The following OCA2 variants were observed in gnomAD, a reference collection of about 807,000 sequenced individuals.
The protein encoded by OCA2 is OCA2 melanosomal transmembrane protein.
OCA2 carries 77 observed loss-of-function variants against 100.2 expected under a neutral mutation model. That is an observed-to-expected ratio of 0.77 (90% CI 0.64 to 0.93). The LOEUF is 0.93. Ranked by LOEUF, OCA2 falls within the 40% of genes least tolerant of loss-of-function variation. The probability of loss-of-function intolerance (pLI) is 0.00; values close to 1 mark genes in which losing one functional copy is unlikely to be tolerated. For synonymous variants in OCA2, 432 were observed against 439.2 expected, an observed-to-expected ratio of 0.98 and a Z score of 0.21; for missense variants, 1,062 against 1,089.1, an observed-to-expected ratio of 0.98 and a Z score of 0.35.
At chr15:28,032,009 T>C (rs2042918619) in intron 3 of OCA2, 56 bp downstream of exon 3, 6 of 1,318,310 alleles carry the variant, frequency 4.6e-6, no homozygotes, top group South Asian at 3.5e-5. Flanking sequence ...CCAGCATACA[T>C]GCCAGGTGCA....
intron 18 of OCA2, among the ~76,000 whole-genome samples, chr15:27,935,552 G>A (rs190162484): frequency 3.9e-5 from 6 of 152,320 alleles, no homozygotes; most frequent in Admixed American, 3.9e-4. Flanking sequence ...AGCCCAGGGG[G>A]AAACTGAGGC....
intron 18 of OCA2, among the ~76,000 whole-genome samples, chr15:27,940,031 C>T (rs988910908): frequency 1.3e-5 from 2 of 152,176 alleles, no homozygotes; most frequent in Non-Finnish European, 2.9e-5. Context: ...GAGAAACACA[C>T]CCAGCTCTTC....
chr15:27,839,611 C>T (rs2035274396), intron 23 of OCA2, among the ~76,000 whole-genome samples: 1 of 152,138 alleles, frequency 6.6e-6, no homozygotes, highest in Non-Finnish European at 1.5e-5. Flanking sequence ...ACAGTAGAGA[C>T]AGAACAGTGA....
At chr15:27,910,854 G>T (rs983283818) in intron 19 of OCA2, among the ~76,000 whole-genome samples, 5 of 151,962 alleles carry the variant, frequency 3.3e-5, no homozygotes, top group African/African-American at 9.7e-5. Context: ...TACTCAGGAG[G>T]CTGAGGCAGG....
intron 15 of OCA2, among the ~76,000 whole-genome samples, chr15:27,963,222 T>C (rs1468203454): frequency 6.6e-6 from 1 of 152,172 alleles, no homozygotes; most frequent in Non-Finnish European, 1.5e-5. Flanking sequence ...ATTAAACAAG[T>C]AGATAGAAAA....
At chr15:27,953,670 T>C (rs760187008) in intron 17 of OCA2, among the ~76,000 whole-genome samples, 15 of 152,038 alleles carry the variant, frequency 9.9e-5, no homozygotes, top group Non-Finnish European at 1.8e-4. Flanking sequence ...CTGCAGCTCA[T>C]GGAAGTGGAG....
At chr15:28,018,239 T>C (rs946437728) in intron 7 of OCA2, among the ~76,000 whole-genome samples, 158 bp downstream of exon 7, 2 of 152,090 alleles carry the variant, frequency 1.3e-5, no homozygotes, top group Non-Finnish European at 2.9e-5. Flanking sequence ...AAAAAGAGAA[T>C]TTCAAAGACA....
intron 23 of OCA2, among the ~76,000 whole-genome samples, chr15:27,796,559 G>A (rs1226483756): frequency 6.6e-6 from 1 of 152,240 alleles, no homozygotes; most frequent in African/African-American, 2.4e-5. Context: ...GTGTGCTGGT[G>A]TCCCCCAACA....
At chr15:28,078,444 G>C (rs957428154) in intron 2 of OCA2, among the ~76,000 whole-genome samples, 2 of 152,174 alleles carry the variant, frequency 1.3e-5, no homozygotes, top group Non-Finnish European at 2.9e-5. Context: ...AAGAAGGGAT[G>C]GTGTCACTCC....
chr15:28,039,608 A>G (rs1038416496), intron 2 of OCA2, among the ~76,000 whole-genome samples: 36 of 152,320 alleles, frequency 2.4e-4, no homozygotes, highest in African/African-American at 7.9e-4. Context: ...TGAAATTCCT[A>G]TGTTGAAGCC....
intron 3 of OCA2, among the ~76,000 whole-genome samples, chr15:28,030,175 G>A (rs2042872142): frequency 6.6e-6 from 1 of 152,232 alleles, no homozygotes; most frequent in Non-Finnish European, 1.5e-5. Context: ...AAGCAGCTGG[G>A]TCAGTGGAAG....
chr15:27,843,206 G>T (rs891439312), intron 23 of OCA2, among the ~76,000 whole-genome samples: 1 of 152,154 alleles, frequency 6.6e-6, no homozygotes, highest in Non-Finnish European at 1.5e-5. Context: ...CAAAGAAGAG[G>T]AGATGGAGGA....
At chr15:27,826,012 G>A (rs999309624) in intron 23 of OCA2, among the ~76,000 whole-genome samples, 1 of 152,230 alleles carries the variant, frequency 6.6e-6, no homozygotes, top group African/African-American at 2.4e-5. Context: ...TGAGAGCTGA[G>A]AAGATTGCAG....
the OCA2 span, among the ~76,000 whole-genome samples, chr15:27,727,090 A>T: frequency 6.6e-6 from 1 of 152,224 alleles, no homozygotes; most frequent in Non-Finnish European, 1.5e-5. Context: ...TAGAAGGCGC[A>T]CCATGTGCAA....
At chr15:27,878,666 A>T (rs1039350747) in intron 19 of OCA2, among the ~76,000 whole-genome samples, 1 of 152,078 alleles carries the variant, frequency 6.6e-6, no homozygotes, top group Non-Finnish European at 1.5e-5. Context: ...CAGCACTATG[A>T]TTATGATGTG....
At chr15:28,032,412 T>C (rs539525127) in intron 2 of OCA2, among the ~76,000 whole-genome samples, 26 of 152,196 alleles carry the variant, frequency 1.7e-4, no homozygotes, top group Admixed American at 6.5e-5. Context: ...TACTATGGGA[T>C]GACACTTTTA....
intron 19 of OCA2, among the ~76,000 whole-genome samples, chr15:27,924,935 G>A (rs916492674): frequency 2.0e-5 from 3 of 152,152 alleles, no homozygotes; most frequent in African/African-American, 7.2e-5. Flanking sequence ...AAAGTGGGCT[G>A]AAGTGGCTAT....
chr15:27,823,052 A>G (rs1208939064), intron 23 of OCA2, among the ~76,000 whole-genome samples: 1 of 152,246 alleles, frequency 6.6e-6, no homozygotes, highest in Non-Finnish European at 1.5e-5. Flanking sequence ...GTAGGGATAA[A>G]GGTACATTTT....
In OCA2 at chr15:27,779,485, T is replaced by A. The variant is rs144325575; in HGVS notation, c.2433-24013A>T. 3.9e-5 allele frequency among the ~76,000 whole-genome samples: 6 copies of A among 152,340 alleles called. No homozygotes were observed. The East Asian group carries it at 9.6e-4, about 24-fold the overall frequency. Reference sequence around the variant, plus strand: ...ATTTATAATTGTTATATATTTTGGGTGGATTGACCCTTTCATCATTATATG... The same window carrying A: ...ATTTATAATTGTTATATATTTTGGGAGGATTGACCCTTTCATCATTATATG... On this transcript the variant is annotated intron_variant, in intron 23 of 23. Transcript: ENST00000354638.
Sources: gnomAD v4.1 joint callset for allele counts (sites outside exome capture counted in the v4.1 genomes callset) on GRCh38, gnomAD v4.1.1 for gene constraint, MANE v1.5 for transcripts, NCBI Gene and HGNC (gene_info 2026-07-23, HGNC 2026-07-21) for gene names.